ZC3H4: variants seen among roughly 807,000 people sequenced by gnomAD.
ZC3H4 encodes the protein zinc finger CCCH domain-containing protein 4.
A neutral mutation model predicts 108.3 loss-of-function variants in ZC3H4; 13 were observed. That is an observed-to-expected ratio of 0.12 (90% CI 0.08 to 0.19). ZC3H4 has a LOEUF of 0.19. Ranked by LOEUF, ZC3H4 falls within the 10% of genes least tolerant of loss-of-function variation. The probability of loss-of-function intolerance (pLI) is 1.00; values close to 1 mark genes in which losing one functional copy is unlikely to be tolerated. For missense variants in ZC3H4, 1,734 were observed against 1,838.8 expected (o/e 0.94, Z 1.04); for synonymous variants, 917 against 749.6 (o/e 1.22, Z -3.65).
rs574931991 is a variant in ZC3H4, at chr19:47,112,220, G to A, written c.161+204C>T. On this transcript the variant is annotated intron_variant, in intron 2 of 14. Coordinates refer to ENST00000253048, the MANE Select transcript of ZC3H4 (RefSeq NM_015168.2). Reference sequence around the variant, plus strand: ...GAGCGGGCGAGCGCCGCGAGGGGGGGGAAACGCATGAGGCCGGGAGAGAAA... The same window carrying A: ...GAGCGGGCGAGCGCCGCGAGGGGGGAGAAACGCATGAGGCCGGGAGAGAAA... 6.7e-6 allele frequency: 8 copies of A among 1,186,992 alleles called. No individual in the cohort carries two copies. The East Asian group carries it at 9.7e-5, about 14-fold the overall frequency. The allele number at this position is 1,186,992 out of a possible 1,614,324, so 73.5% of individuals were successfully genotyped here.
intron 9 of ZC3H4, 80 bp downstream of exon 9, chr19:47,084,265 G>A (rs911973327): frequency 2.9e-5 from 40 of 1,370,586 alleles, no homozygotes; most frequent in South Asian, 9.5e-5. Flanking sequence ...CCCTCACCAC[G>A]GCTCCAGAAC....
At chr19:47,096,284 G>A (rs942413633) in intron 2 of ZC3H4, among the ~76,000 whole-genome samples, 3 of 152,230 alleles carry the variant, frequency 2.0e-5, no homozygotes, top group Non-Finnish European at 1.5e-5. Context: ...CAACACAGGT[G>A]ACCTGACCCA....
At chr19:47,112,127 G>T (rs570622562) in intron 2 of ZC3H4, 2 of 1,082,596 alleles carry the variant, frequency 1.8e-6, no homozygotes, top group African/African-American at 3.3e-5. Flanking sequence ...GGCGCGGGGG[G>T]TCCGAGGGGC....
At chr19:47,112,629 G>T (rs927876877) in intron 1 of ZC3H4, 40 bp from the exon 2 acceptor site, 2 of 1,216,320 alleles carry the variant, frequency 1.6e-6, no homozygotes, top group African/African-American at 3.1e-5. Flanking sequence ...AAAAAGGACT[G>T]CTTGGGCGTG....
rs397962132 is a variant in ZC3H4, at chr19:47,064,742, A to AT, written c.*1613_*1614insA. The AT allele has an allele frequency of 6.7e-6, 1 of 150,006 alleles. No homozygotes were observed. The highest frequency in any genetic ancestry group is 1.5e-5 in the Non-Finnish European group (1 of 67,310). 9.3% of individuals were successfully genotyped at this position (150,006 alleles called of 1,614,324 possible). On this transcript the variant is annotated 3_prime_UTR_variant, in exon 15 of 15. Transcript: ENST00000253048. ...TGTGTAAAAAAAAAAAAAAAAAAAA[A>AT]GACAAAAAGACAAACCAACCAACCA... is the stretch of plus-strand genomic sequence containing the variant.
intron 9 of ZC3H4, among the ~76,000 whole-genome samples, chr19:47,083,774 G>C (rs1568546822): frequency 6.6e-6 from 1 of 152,206 alleles, no homozygotes; most frequent in Non-Finnish European, 1.5e-5. Flanking sequence ...TCCCAAGACA[G>C]ATGCAGGGGT....
chr19:47,082,865 T>C (rs2057548255), intron 9 of ZC3H4, among the ~76,000 whole-genome samples: 1 of 152,156 alleles, frequency 6.6e-6, no homozygotes. Context: ...AAGCCAATTT[T>C]GTTAAGTTTT....
intron 5 of ZC3H4, among the ~76,000 whole-genome samples, chr19:47,088,126 T>C (rs1224538140): frequency 1.3e-5 from 2 of 151,886 alleles, no homozygotes; most frequent in African/African-American, 4.8e-5. Flanking sequence ...TGAGTCAAAA[T>C]TGTGCCACTG....
rs150239855 is a variant in ZC3H4, at chr19:47,067,933, C to A, written c.2399-64G>T. On this transcript the variant is annotated intron_variant, in intron 14 of 14. Coordinates refer to ENST00000253048, the MANE Select transcript of ZC3H4 (RefSeq NM_015168.2). The surrounding 1 kb of genome is among the most constrained non-coding windows in gnomAD (Gnocchi z 6.4). ...GCATCCACCACCCGCCCTCTTGGAT[C>A]CCACAGCAGCCCACCGTGAGCAGCT... The A allele has an allele frequency of 4.6e-4, 656 of 1,435,498 alleles. 1 individual carries two copies. The African/African-American group carries it at 7.9e-3, about 17-fold the overall frequency. The allele number at this position is 1,435,498 out of a possible 1,614,324, so 88.9% of individuals were successfully genotyped here.
At chr19:47,076,388 T>C (rs975444916) in intron 11 of ZC3H4, among the ~76,000 whole-genome samples, 3 of 152,224 alleles carry the variant, frequency 2.0e-5, no homozygotes, top group African/African-American at 7.2e-5. Flanking sequence ...TCTATTTATA[T>C]GATTTGCTTG....
chr19:47,086,544 T>G lies in ZC3H4; in HGVS notation c.716-6A>C. On this transcript the variant is annotated splice_polypyrimidine_tract_variant and splice_region_variant and intron_variant, in intron 5 of 14. Coordinates refer to ENST00000253048, the MANE Select transcript of ZC3H4 (RefSeq NM_015168.2). Reference sequence around the variant, plus strand: ...CCGGCCCCGGCCTCGGCTGCCTGCATGGAGATTCAGATAGTGAGCCTCCAG... The same window carrying G: ...CCGGCCCCGGCCTCGGCTGCCTGCAGGGAGATTCAGATAGTGAGCCTCCAG... 6.3e-7 allele frequency: 1 copy of G among 1,580,600 alleles called. No homozygotes were observed. The highest frequency in any genetic ancestry group is 8.5e-7 in the Non-Finnish European group (1 of 1,171,540).
In ZC3H4 at chr19:47,066,884, G is replaced by A. The variant is rs763423636; in HGVS notation, c.3384C>T (p.Ala1128=). The change falls in exon 15 of 15, where the codon GCC becomes GCT. Residue 1128 remains alanine (A), a synonymous_variant. Transcript: ENST00000253048. ...CCCCTCCGCCCTGGCCCAGTCCACC[G>A]GCCGCCAGCACGCGGGGGTCGTAGG... is the stretch of plus-strand genomic sequence containing the variant. ...TAPYDPRVLA[A]GGLGQGGGGG... is the part of the protein sequence containing the mutation. 28 of 1,598,060 alleles carry A rather than the reference G, an allele frequency of 1.8e-5. 1 individual carries two copies. The highest frequency in any genetic ancestry group is 4.5e-5 in the East Asian group (2 of 44,776).
chr19:47,090,214 A>C lies in ZC3H4; in HGVS notation c.493-25T>G, dbSNP rs534267492. On this transcript the variant is annotated intron_variant, in intron 4 of 14. Transcript: ENST00000253048. ...ACTGCGTCCCAGAGATGGGGAAAAG[A>C]GGTGAGCCGGATCCCACAGCCGTGG... 1.2e-5 allele frequency: 20 copies of C among 1,613,602 alleles called. No homozygotes were observed. The South Asian group carries it at 1.8e-4, about 14-fold the overall frequency.
chr19:47,073,815 G>A (rs749616539), intron 11 of ZC3H4, among the ~76,000 whole-genome samples: 1 of 152,188 alleles, frequency 6.6e-6, no homozygotes, highest in South Asian at 2.1e-4. Context: ...TGTGTGCGAT[G>A]GGCGCTTTCA....
At chr19:47,096,533 A>G (rs1242081332) in intron 2 of ZC3H4, among the ~76,000 whole-genome samples, 1 of 152,210 alleles carries the variant, frequency 6.6e-6, no homozygotes, top group Non-Finnish European at 1.5e-5. Flanking sequence ...CGCCGCCAGG[A>G]GCTGTGCAGA....
intron 2 of ZC3H4, among the ~76,000 whole-genome samples, chr19:47,102,664 C>T (rs535746255): frequency 4.0e-5 from 6 of 151,784 alleles, no homozygotes; most frequent in South Asian, 2.1e-4. Flanking sequence ...AAGGCCGATA[C>T]GGTCCTTCCA....
chr19:47,112,535 G>A lies in ZC3H4; in HGVS notation c.50C>T (p.Pro17Leu), dbSNP rs1002806596. 14 of 1,064,620 alleles carry A rather than the reference G, an allele frequency of 1.3e-5. No homozygotes were observed. The highest frequency in any genetic ancestry group is 4.5e-5 in the South Asian group (1 of 22,154). 65.9% of individuals were successfully genotyped at this position (1,064,620 alleles called of 1,614,324 possible). The part of the protein sequence containing the change: ...TPPPPPSESP[P>L]PPSPPPPSTP... ...TGATGGCGGCGGCGGCGATGGCGGC[G>A]GCGGCGACTCTGATGGCGGCGGCGG... The change falls in exon 2 of 15, where the codon CCG becomes CTG. Residue 17 changes from proline to leucine, a missense_variant. Around this residue, in one of 9 missense-constraint regions of ZC3H4, gnomAD observed 112 missense variants for 73.3 expected, o/e 1.53. Transcript: ENST00000253048.
Position 47,094,671 on chromosome 19 carries a change from G to A in ZC3H4, c.162-63C>T, listed in dbSNP as rs2057793014. On this transcript the variant is annotated intron_variant, in intron 2 of 14. Transcript: ENST00000253048. ...TTGAGAGGAGACCTCCTAGGGCTCT[G>A]GGCTGGCCAAGGCTGACAGGAACCG... 6 of 1,566,528 alleles carry A rather than the reference G, an allele frequency of 3.8e-6. No homozygotes were observed. In the East Asian group the frequency reaches 1.3e-4, roughly 35 times the overall value.
In ZC3H4 at chr19:47,072,099, G is replaced by C. The variant is rs759032521; in HGVS notation, c.1825C>G (p.Pro609Ala). 40 of 1,546,614 alleles carry C rather than the reference G, an allele frequency of 2.6e-5. No homozygotes were observed. The highest frequency in any genetic ancestry group is 1.7e-4 in the Middle Eastern group (1 of 5,784). Residue 609 changes from proline to alanine, a missense_variant, in exon 13 of 15, where the codon CCA becomes GCA. Transcript: ENST00000253048. The surrounding 1 kb of genome is among the most constrained non-coding windows in gnomAD (Gnocchi z 5.6). ...TTGGGCCCAGGGCCCATTGGCCCTG[G>C]GGGTCCACCGGGTCCAGGGAACCTA... The part of the protein sequence containing the change: ...GVRFPGPGGP[P>A]GPMGPGPNMG...
Sources: gnomAD v4.1 joint callset for allele counts (sites outside exome capture counted in the v4.1 genomes callset) on GRCh38, gnomAD v4.1.1 for gene constraint, gnomAD v4.1.1 regional missense constraint, Gnocchi (gnomAD v3.1) non-coding constraint, MANE v1.5 for transcripts, NCBI Gene and HGNC (gene_info 2026-07-23, HGNC 2026-07-21) for gene names.